PCLO: variants seen among roughly 807,000 people sequenced by gnomAD.
PCLO encodes piccolo presynaptic cytomatrix protein.
In PCLO, 82 loss-of-function variants were observed where a neutral mutation model predicts 427.5. The observed-to-expected ratio is 0.19, with a 90% CI of 0.16 to 0.23. The LOEUF (loss-of-function observed/expected upper bound fraction) is 0.23. PCLO is among the 10% of genes least tolerant of loss of function. The pLI, the probability that PCLO is intolerant of heterozygous loss-of-function variation, is 1.00. For synonymous variants in PCLO, 2,357 were observed against 2,155.4 expected (o/e 1.09, Z -2.59); for missense variants, 6,239 against 6,115.9 (o/e 1.02, Z -0.67).
chr7:83,115,498 C>T (rs1294966625), intron 3 of PCLO, among the ~76,000 whole-genome samples: 1 of 151,958 alleles, frequency 6.6e-6, no homozygotes, highest in Non-Finnish European at 1.5e-5. Flanking sequence ...CTGTTAAAAC[C>T]TTATTATAGT....
intron 19 of PCLO, among the ~76,000 whole-genome samples, chr7:82,823,874 T>C (rs1053906833): frequency 4.6e-5 from 7 of 152,200 alleles, no homozygotes; most frequent in African/African-American, 1.7e-4. Flanking sequence ...ATAATGATGA[T>C]TATGTCTAGT....
chr7:83,006,061 A>T (rs1334586988), intron 3 of PCLO, among the ~76,000 whole-genome samples: 1 of 151,620 alleles, frequency 6.6e-6, no homozygotes, highest in Non-Finnish European at 1.5e-5. Context: ...ACTGTACGCA[A>T]TGCATTTTAT....
chr7:83,022,443 A>G (rs1359993632), intron 3 of PCLO, among the ~76,000 whole-genome samples: 1 of 152,212 alleles, frequency 6.6e-6, no homozygotes, highest in African/African-American at 2.4e-5. Flanking sequence ...AATGATGGCA[A>G]TATTTTAAAG....
Position 82,761,586 on chromosome 7 carries a change from A to G in PCLO, c.15008-93T>C, listed in dbSNP as rs535949139. On this transcript the variant is annotated intron_variant, in intron 22 of 24. Transcript: ENST00000333891. ...TCATTCATACATTCATTTACTCTTT[A>G]TCAAGTGCTAAGTATCTTATGACAT... 22 of 868,552 alleles carry G rather than the reference A, an allele frequency of 2.5e-5. No individual in the cohort carries two copies. The African/African-American group carries it at 2.8e-4, about 11-fold the overall frequency. The allele number at this position is 868,552 out of a possible 1,614,324, so 53.8% of individuals were successfully genotyped here. A position where few individuals can be genotyped will look rare whatever the true frequency, so the allele number is the denominator to read the frequency against.
intron 21 of PCLO, among the ~76,000 whole-genome samples, chr7:82,805,048 T>C (rs1791430572): frequency 6.6e-6 from 1 of 151,754 alleles, no homozygotes; most frequent in Non-Finnish European, 1.5e-5. Context: ...TCTAACACAT[T>C]AAGTATGCTA....
intron 20 of PCLO, among the ~76,000 whole-genome samples, chr7:82,818,505 G>A (rs1791722615): frequency 6.6e-6 from 1 of 152,158 alleles, no homozygotes; most frequent in African/African-American, 2.4e-5. Context: ...TAGGCAGAGA[G>A]TATAAATGGA....
intron 24 of PCLO, among the ~76,000 whole-genome samples, chr7:82,759,057 A>AT (rs1790375435): frequency 6.6e-6 from 1 of 151,842 alleles, no homozygotes; most frequent in Admixed American, 6.6e-5. Flanking sequence ...TTTGCCAAAT[A>AT]ATTTTTTACT....
chr7:82,918,071 T>A (rs904229033), intron 6 of PCLO, among the ~76,000 whole-genome samples: 12 of 152,156 alleles, frequency 7.9e-5, no homozygotes, highest in African/African-American at 2.9e-4. Flanking sequence ...TATTGAAGTT[T>A]ATATGTTTCT....
chr7:83,158,513 C>T (rs960502654), intron 1 of PCLO, among the ~76,000 whole-genome samples: 11 of 142,804 alleles, frequency 7.7e-5, no homozygotes, highest in African/African-American at 2.8e-4. Flanking sequence ...TAACTTTAAG[C>T]AGAGTACCAA....
intron 6 of PCLO, among the ~76,000 whole-genome samples, chr7:82,946,976 C>A (rs1444839004): frequency 6.6e-6 from 1 of 152,184 alleles, no homozygotes; most frequent in African/African-American, 2.4e-5. Flanking sequence ...TAAATCCAAA[C>A]TTTGTAAGGC....
At chr7:83,110,290 G>T (rs998001821) in intron 3 of PCLO, among the ~76,000 whole-genome samples, 1 of 151,864 alleles carries the variant, frequency 6.6e-6, no homozygotes, top group Non-Finnish European at 1.5e-5. Context: ...CGAGAACACA[G>T]ATGCTCTTTA....
At position 83,134,232 on chromosome 7, in the gene PCLO, T is replaced by C. The variant is rs1480028710; in HGVS notation, c.3300+18A>G. The C allele has an allele frequency of 1.3e-6, 1 of 746,778 alleles. No homozygotes were observed. The highest frequency in any genetic ancestry group is 3.9e-5 in the East Asian group (1 of 25,488). 46.3% of individuals were successfully genotyped at this position (746,778 alleles called of 1,614,324 possible). A position where few individuals can be genotyped will look rare whatever the true frequency, so the allele number is the denominator to read the frequency against. ...CCTCCATATGTAATATATATATATA[T>C]ATATATATATAACTTACCTCAGTCA... On this transcript the variant is annotated intron_variant, in intron 3 of 24. Coordinates refer to ENST00000333891, the MANE Select transcript of PCLO (RefSeq NM_033026.6).
chr7:83,071,612 C>T (rs1425782938), intron 3 of PCLO, among the ~76,000 whole-genome samples: 2 of 152,098 alleles, frequency 1.3e-5, no homozygotes, highest in African/African-American at 4.8e-5. Context: ...CAGATGGGAG[C>T]ACAGTGCTTT....
At chr7:82,922,833 T>C (rs1403517113) in intron 6 of PCLO, among the ~76,000 whole-genome samples, 1 of 152,010 alleles carries the variant, frequency 6.6e-6, no homozygotes, top group Non-Finnish European at 1.5e-5. Flanking sequence ...TCTGAAACCA[T>C]CATACTGCTA....
In PCLO at chr7:82,966,381, G is replaced by T. The variant is rs1416443251; in HGVS notation, c.3407C>A (p.Pro1136His). The stretch of plus-strand genomic sequence containing the variant: ...TGATGATTCTGTAGGAACAGGCATA[G>T]GAGATGCTTTGGGTCCTGATGGTGC... ...PPAPSGPKAS[P>H]MPVPTESSSQ... Residue 1136 changes from proline to histidine, a missense_variant, in exon 4 of 25, where the codon CCT (proline) becomes CAT (histidine). Pro to His is a moderately conservative substitution (Grantham distance 77). Around this residue, in one of 5 missense-constraint regions of PCLO, gnomAD observed 4,677 missense variants for 4,468.4 expected, o/e 1.05. Transcript: ENST00000333891. 5.0e-6 allele frequency: 8 copies of T among 1,613,688 alleles called. No homozygotes were observed. The highest frequency in any genetic ancestry group is 6.8e-6 in the Non-Finnish European group (8 of 1,179,784).
At position 82,950,611 on chromosome 7, in the gene PCLO, G is replaced by A. The variant is rs941231578; in HGVS notation, c.9977C>T (p.Ala3326Val). ...CTGCTCTGTAGTGGTTTGTGGAGAA[G>A]CAGTTCCAGAAGGGTCATAGTTATA... is the stretch of plus-strand genomic sequence containing the variant. The part of the protein sequence containing the change: ...YQYNYDPSGT[A>V]SPQTTTEQAI... The change falls in exon 6 of 25, where the codon GCT (alanine) becomes GTT (valine). Residue 3326 changes from alanine to valine, a missense_variant. Transcript: ENST00000333891. 1.2e-6 allele frequency: 2 copies of A among 1,613,738 alleles called. No homozygotes were observed. The highest frequency in any genetic ancestry group is 1.7e-6 in the Non-Finnish European group (2 of 1,179,850).
chr7:82,976,432 T>A (rs748566665), intron 3 of PCLO, among the ~76,000 whole-genome samples: 56 of 152,150 alleles, frequency 3.7e-4, no homozygotes, highest in Non-Finnish European at 6.2e-4. Context: ...CAAATCTCTA[T>A]ACCAAATCTC....
intron 3 of PCLO, among the ~76,000 whole-genome samples, chr7:83,118,833 G>C (rs374010047): frequency 2.6e-5 from 4 of 152,254 alleles, no homozygotes; most frequent in African/African-American, 9.6e-5. Context: ...GCTAGGCTCA[G>C]AACAGTGGAG....
chr7:83,014,397 A>G (rs1788157690), intron 3 of PCLO, among the ~76,000 whole-genome samples: 1 of 152,164 alleles, frequency 6.6e-6, no homozygotes, highest in African/African-American at 2.4e-5. Context: ...GAGGATAAAA[A>G]TAAATTCCCC....
Sources: gnomAD v4.1 joint callset for allele counts (sites outside exome capture counted in the v4.1 genomes callset) on GRCh38, gnomAD v4.1.1 for gene constraint, gnomAD v4.1.1 regional missense constraint, MANE v1.5 for transcripts, NCBI Gene and HGNC (gene_info 2026-07-23, HGNC 2026-07-21) for gene names.